Variants in PARM1 observed in about 807,000 individuals in gnomAD.
PARM1 encodes the protein prostate androgen-regulated mucin-like protein 1.
In PARM1, 14 loss-of-function variants were observed where a neutral mutation model predicts 24.6. The observed-to-expected ratio is 0.57, with a 90% CI of 0.38 to 0.89. The LOEUF (loss-of-function observed/expected upper bound fraction) is 0.89, where lower values mean the gene tolerates loss of function less well. Ranked by LOEUF, PARM1 falls within the 40% of genes least tolerant of loss-of-function variation. The pLI is 0.00. For missense variants in PARM1, 362 were observed against 380.4 expected, an observed-to-expected ratio of 0.95 and a Z score of 0.40; for synonymous variants, 179 against 156.6, an observed-to-expected ratio of 1.14 and a Z score of -1.07.
intron 1 of PARM1, chr4:74,955,986 C>G (rs1197695003): frequency 6.6e-6 from 1 of 152,182 alleles, no homozygotes; most frequent in Non-Finnish European, 1.5e-5. Flanking sequence ...AGACTAGTAG[C>G]AAGTATGAAT....
intron 1 of PARM1, among the ~76,000 whole-genome samples, chr4:74,934,053 T>C (rs1237917428): frequency 6.6e-6 from 1 of 151,726 alleles, no homozygotes; most frequent in Admixed American, 6.6e-5. Flanking sequence ...TCCTCTCCCC[T>C]CCCCCTGCAC....
intron 1 of PARM1, among the ~76,000 whole-genome samples, chr4:75,009,853 A>G (rs1722839508): frequency 1.3e-5 from 2 of 152,236 alleles, no homozygotes; most frequent in African/African-American, 4.8e-5. Flanking sequence ...ATTCCAGTAG[A>G]AGAGACAATA....
intron 1 of PARM1, among the ~76,000 whole-genome samples, chr4:74,959,907 G>C (rs1484706676): frequency 6.6e-6 from 1 of 152,200 alleles, no homozygotes; most frequent in Non-Finnish European, 1.5e-5. Flanking sequence ...AACAATTGCA[G>C]TTGCAGAATC....
At chr4:75,028,386 C>CTT (rs1470031241) in intron 2 of PARM1, among the ~76,000 whole-genome samples, 7 of 152,336 alleles carry the variant, frequency 4.6e-5, no homozygotes, top group African/African-American at 1.7e-4. Flanking sequence ...AAGAATTCCT[C>CTT]TGAGACAAAA....
At chr4:74,974,034 T>C (rs1293819571) in intron 1 of PARM1, among the ~76,000 whole-genome samples, 1 of 152,164 alleles carries the variant, frequency 6.6e-6, no homozygotes, top group Non-Finnish European at 1.5e-5. Flanking sequence ...TCTGAGGGCC[T>C]GAGAGCCAGG....
chr4:74,961,608 A>G (rs113893302), intron 1 of PARM1, among the ~76,000 whole-genome samples: 10,890 of 152,306 alleles, frequency 0.072, 465 homozygotes, highest in Non-Finnish European at 0.094. Context: ...TAAGATTATC[A>G]GCATATTTTT....
At chr4:75,023,781 G>A (rs1331367957) in intron 2 of PARM1, among the ~76,000 whole-genome samples, 2 of 152,190 alleles carry the variant, frequency 1.3e-5, no homozygotes, top group African/African-American at 4.8e-5. Context: ...GGGGCGTTGG[G>A]GGAAAAAAGG....
At chr4:74,979,299 C>T (rs1390610492) in intron 1 of PARM1, among the ~76,000 whole-genome samples, 1 of 152,060 alleles carries the variant, frequency 6.6e-6, no homozygotes, top group African/African-American at 2.4e-5. Context: ...ACTGACCCAA[C>T]AGAAATACAA....
chr4:74,971,383 A>G (rs1490482584), intron 1 of PARM1, among the ~76,000 whole-genome samples: 8 of 152,194 alleles, frequency 5.3e-5, no homozygotes, highest in Non-Finnish European at 1.2e-4. Context: ...CTCACGACAC[A>G]TGGGGATTAT....
intron 2 of PARM1, among the ~76,000 whole-genome samples, chr4:75,024,293 G>A (rs139472308): frequency 6.6e-6 from 1 of 152,026 alleles, no homozygotes; most frequent in African/African-American, 2.4e-5. Flanking sequence ...GCATGGCCTT[G>A]CTGATTAATG....
rs925291932 is a variant in PARM1, at chr4:75,048,685, G to A, written c.*2438G>A. 1 of 152,012 alleles carries A rather than the reference G, an allele frequency of 6.6e-6. No individual in the cohort carries two copies. The highest frequency in any genetic ancestry group is 1.5e-5 in the Non-Finnish European group (1 of 67,946). 9.4% of individuals were successfully genotyped at this position (152,012 alleles called of 1,614,324 possible). On this transcript the variant is annotated 3_prime_UTR_variant, in exon 4 of 4. Transcript: ENST00000307428. ...AAGCAGGCATTTTTTTTTTCTTACC[G>A]AAAGGCTGCTATTGTGCAAGGGCAC...
At chr4:74,988,829 G>C (rs1052619942) in intron 1 of PARM1, among the ~76,000 whole-genome samples, 2 of 152,162 alleles carry the variant, frequency 1.3e-5, no homozygotes, top group African/African-American at 4.8e-5. Context: ...GGGCCTGAGA[G>C]AATTCTAAGA....
At chr4:75,044,468 AT>A (rs1272866766) in intron 3 of PARM1, among the ~76,000 whole-genome samples, 1 of 152,170 alleles carries the variant, frequency 6.6e-6, no homozygotes, top group African/African-American at 2.4e-5. Flanking sequence ...ATAAACACGT[AT>A]TGAGGACTTA....
chr4:75,030,043 C>T (rs1723247353), intron 2 of PARM1, among the ~76,000 whole-genome samples: 1 of 151,918 alleles, frequency 6.6e-6, no homozygotes, highest in Non-Finnish European at 1.5e-5. Flanking sequence ...TAGAAATGAC[C>T]TAGGGAAGCA....
At chr4:74,976,999 G>GA (rs987127127) in intron 1 of PARM1, among the ~76,000 whole-genome samples, 5 of 152,152 alleles carry the variant, frequency 3.3e-5, no homozygotes, top group Non-Finnish European at 7.3e-5. Context: ...ACAAAAATGG[G>GA]AAAAAATGAA....
chr4:74,984,914 A>G (rs1327414728), intron 1 of PARM1, among the ~76,000 whole-genome samples: 2 of 152,198 alleles, frequency 1.3e-5, no homozygotes, highest in Non-Finnish European at 2.9e-5. Flanking sequence ...GGCCCTTTAG[A>G]GAAAAAGTTT....
chr4:75,008,491 G>A (rs1359024984), intron 1 of PARM1, among the ~76,000 whole-genome samples: 1 of 152,224 alleles, frequency 6.6e-6, no homozygotes, highest in East Asian at 1.9e-4. Flanking sequence ...CAATGCAAGT[G>A]TCATTCTGAA....
chr4:74,999,151 A>C (rs950271117), intron 1 of PARM1: 2 of 152,230 alleles, frequency 1.3e-5, no homozygotes, highest in African/African-American at 4.8e-5. Context: ...GGAGCAACCA[A>C]CTTCATTCTC....
rs966383435 is a variant in PARM1, at chr4:74,952,150, T to C, written c.43+18780T>C. Reference sequence around the variant, plus strand: ...CCATTCTAACTGGCATGAGATGGTATCTCACTGTGGTTTTGATTTGCATTT... The same window carrying C: ...CCATTCTAACTGGCATGAGATGGTACCTCACTGTGGTTTTGATTTGCATTT... On this transcript the variant is annotated intron_variant, in intron 1 of 3. Transcript: ENST00000307428. 2.6e-5 allele frequency among the ~76,000 whole-genome samples: 4 copies of C among 152,374 alleles called. No homozygotes were observed. In the South Asian group the frequency reaches 8.3e-4, roughly 32 times the overall value.
Sources: allele counts gnomAD v4.1 joint callset (sites outside exome capture counted in the v4.1 genomes callset), GRCh38; gene constraint gnomAD v4.1.1; transcripts MANE v1.5; gene names NCBI Gene and HGNC (gene_info 2026-07-23, HGNC 2026-07-21).